The following SLC23A2 variants were observed in gnomAD, a reference collection of about 807,000 sequenced individuals.
SLC23A2 encodes Na(+)/L-ascorbic acid transporter 2.
In SLC23A2, 36 loss-of-function variants were observed where a neutral mutation model predicts 73.3. The observed-to-expected ratio is 0.49, with a 90% CI of 0.38 to 0.65. The LOEUF (loss-of-function observed/expected upper bound fraction) is 0.65, where lower values mean the gene tolerates loss of function less well. SLC23A2 is among the 30% of genes least tolerant of loss of function. The pLI is 0.00. For missense variants in SLC23A2, 507 were observed against 841.6 expected, an observed-to-expected ratio of 0.60 and a Z score of 4.92; for synonymous variants, 343 against 327.3, an observed-to-expected ratio of 1.05 and a Z score of -0.52.
At chr20:4,962,090 G>A (rs2087400192) in intron 2 of SLC23A2, among the ~76,000 whole-genome samples, 1 of 151,730 alleles carries the variant, frequency 6.6e-6, no homozygotes, top group Admixed American at 6.6e-5. Context: ...CTGGGAATGG[G>A]ATTGGACAGA....
At chr20:4,859,644 G>GGT (rs930034683) in intron 15 of SLC23A2, among the ~76,000 whole-genome samples, 2 of 152,156 alleles carry the variant, frequency 1.3e-5, no homozygotes, top group Non-Finnish European at 2.9e-5. Context: ...ATCTAAGAGT[G>GGT]GTGTTCACCC....
rs1931193178 is a variant in SLC23A2 at position 4,888,540 on chromosome 20, G to A, written c.483-2631C>T. Among the ~76,000 whole-genome samples, 10 of 152,136 alleles carry A rather than the reference G, an allele frequency of 6.6e-5. 1 individual carries two copies. The South Asian group carries it at 2.1e-3, about 32-fold the overall frequency. ...TGACGAGATCCCATGTCGGGCTCCA[G>A]CCTCAGGACAGCAGGAGAACCTAAG... On this transcript the variant is annotated intron_variant, in intron 6 of 16. Coordinates refer to ENST00000338244, the MANE Select transcript of SLC23A2 (RefSeq NM_005116.6).
chr20:4,952,987 C>A (rs2087225944), intron 2 of SLC23A2, among the ~76,000 whole-genome samples: 1 of 151,522 alleles, frequency 6.6e-6, no homozygotes, highest in Non-Finnish European at 1.5e-5. Flanking sequence ...TGTGCCACTG[C>A]ACTCCAACCT....
At chr20:4,882,562 A>G (rs1411756927) in intron 9 of SLC23A2, among the ~76,000 whole-genome samples, 3 of 152,188 alleles carry the variant, frequency 2.0e-5, no homozygotes, top group Non-Finnish European at 4.4e-5. Context: ...GTTCTAATAC[A>G]CAGAACAGGA....
chr20:5,007,544 CA>C (rs1161935006), intron 1 of SLC23A2, among the ~76,000 whole-genome samples: 14 of 152,016 alleles, frequency 9.2e-5, no homozygotes, highest in Admixed American at 2.6e-4. Flanking sequence ...AACAAACAAA[CA>C]AAAAAAGTAA....
At chr20:4,891,795 G>C (rs1931339795) in intron 6 of SLC23A2, among the ~76,000 whole-genome samples, 1 of 152,214 alleles carries the variant, frequency 6.6e-6, no homozygotes, top group Non-Finnish European at 1.5e-5. Flanking sequence ...TGTCACTCAG[G>C]CTGGAGTGTA....
At chr20:4,885,784 G>C (rs1362418765) in intron 7 of SLC23A2, 37 bp downstream of exon 7, 1 of 1,425,438 alleles carries the variant, frequency 7.0e-7, no homozygotes, top group Non-Finnish European at 9.9e-7. Context: ...CTGCATTAAA[G>C]GACCCCAATG....
At chr20:4,930,931 T>C (rs1932781680) in intron 3 of SLC23A2, among the ~76,000 whole-genome samples, 1 of 151,434 alleles carries the variant, frequency 6.6e-6, no homozygotes, top group Admixed American at 6.6e-5. Flanking sequence ...TCCATTATGA[T>C]TGTACGACTG....
In SLC23A2 at chr20:4,955,081, T is replaced by TA. The variant is rs372519088; in HGVS notation, c.-155+15711dup. Among the ~76,000 whole-genome samples the TA allele has an allele frequency of 5.9e-3, 889 of 150,520 alleles. 7 individuals carry two copies. Among genetic ancestry groups the TA allele is most frequent in the African/African-American group, 0.02 (805 of 41,046 alleles). On this transcript the variant is annotated intron_variant, in intron 2 of 16. Coordinates refer to ENST00000338244, the MANE Select transcript of SLC23A2 (RefSeq NM_005116.6). Reference sequence around the variant, plus strand: ...AACGTAACAAGACCTACTCTCTATTTAAAAAAAAAATTATTTTTTTAATTA... The same window carrying TA: ...AACGTAACAAGACCTACTCTCTATTTAAAAAAAAAAATTATTTTTTTAATTA...
intron 3 of SLC23A2, among the ~76,000 whole-genome samples, chr20:4,928,923 G>C (rs1324075691): frequency 6.6e-6 from 1 of 152,108 alleles, no homozygotes; most frequent in Non-Finnish European, 1.5e-5. Flanking sequence ...CCTCAAAATA[G>C]GCAAGCTTAA....
intron 2 of SLC23A2, among the ~76,000 whole-genome samples, chr20:4,939,373 T>G (rs750468152): frequency 2.9e-4 from 44 of 151,740 alleles, no homozygotes; most frequent in Non-Finnish European, 5.4e-4. Context: ...AAGTCGGGGG[T>G]GTCAACGTCA....
At chr20:4,952,948 G>A (rs993156452) in intron 2 of SLC23A2, among the ~76,000 whole-genome samples, 11 of 151,930 alleles carry the variant, frequency 7.2e-5, no homozygotes, top group East Asian at 1.9e-4. Flanking sequence ...GCTTGAACCC[G>A]GGAGGCGAAG....
chr20:4,957,349 C>T (rs982308854), intron 2 of SLC23A2, among the ~76,000 whole-genome samples: 1 of 151,944 alleles, frequency 6.6e-6, no homozygotes, highest in Non-Finnish European at 1.5e-5. Flanking sequence ...GTTATCCCAG[C>T]TACTCAGTAG....
intron 2 of SLC23A2, among the ~76,000 whole-genome samples, chr20:4,954,713 A>AAG (rs2087256686): frequency 6.7e-6 from 1 of 150,126 alleles, no homozygotes; most frequent in African/African-American, 2.5e-5. Flanking sequence ...AAAAAAAAAA[A>AAG]AAAGAAAGAA....
chr20:4,977,250 G>A (rs1305179458), intron 1 of SLC23A2, among the ~76,000 whole-genome samples: 1 of 152,172 alleles, frequency 6.6e-6, no homozygotes, highest in African/African-American at 2.4e-5. Flanking sequence ...GACTTCTTCA[G>A]CAAGATAGGC....
intron 2 of SLC23A2, 112 bp from the exon 3 acceptor site, chr20:4,932,828 C>G: frequency 3.2e-6 from 1 of 314,060 alleles, no homozygotes; most frequent in Non-Finnish European, 5.8e-6. Flanking sequence ...TATACCCAAG[C>G]ATCCAAAAAA....
chr20:4,934,031 A>G (rs147777571), intron 2 of SLC23A2, among the ~76,000 whole-genome samples: 2 of 152,384 alleles, frequency 1.3e-5, no homozygotes, highest in East Asian at 3.8e-4. Flanking sequence ...GAGTTCAGAA[A>G]TCAGAAGGCC....
chr20:4,972,581 T>TTTG (rs936927470), intron 1 of SLC23A2, among the ~76,000 whole-genome samples: 9 of 151,932 alleles, frequency 5.9e-5, no homozygotes, highest in Admixed American at 1.3e-4. Context: ...TTGGGGTTTT[T>TTTG]TTGTTGTTGT....
chr20:4,870,184 T>C (rs1410440258), intron 11 of SLC23A2, 131 bp from the exon 12 acceptor site: 2 of 771,442 alleles, frequency 2.6e-6, no homozygotes, highest in Admixed American at 3.1e-5. Flanking sequence ...TCATGGAAAC[T>C]GTTCATTTTA....
Sources: gnomAD v4.1 joint callset for allele counts (sites outside exome capture counted in the v4.1 genomes callset) on GRCh38, gnomAD v4.1.1 for gene constraint, MANE v1.5 for transcripts, NCBI Gene and HGNC (gene_info 2026-07-23, HGNC 2026-07-21) for gene names.